APBB2: variants seen among roughly 807,000 people sequenced by gnomAD.
APBB2 encodes the protein amyloid beta precursor protein binding family B member 2, also known as Fe65-like 1.
Under a neutral mutation model 82.5 loss-of-function variants are expected in APBB2, and 38 were observed. The ratio of observed to expected loss-of-function variants is 0.46; its 90% CI spans 0.36 to 0.60. The LOEUF is 0.60. APBB2 is among the 20% of genes least tolerant of loss of function. The pLI is 0.00. For synonymous variants in APBB2, 341 were observed against 368.2 expected, an observed-to-expected ratio of 0.93 and a Z score of 0.85; for missense variants, 772 against 972.3, an observed-to-expected ratio of 0.79 and a Z score of 2.74.
chr4:40,992,657 G>A (rs757068349), intron 6 of APBB2, among the ~76,000 whole-genome samples: 15 of 152,156 alleles, frequency 9.9e-5, no homozygotes, highest in Non-Finnish European at 2.1e-4. Flanking sequence ...GGATGGAAAC[G>A]CTGGTAACCC....
chr4:41,009,185 C>T (rs1309566616), intron 6 of APBB2, among the ~76,000 whole-genome samples: 1 of 150,496 alleles, frequency 6.6e-6, no homozygotes, highest in African/African-American at 2.5e-5. Flanking sequence ...TTTATCTGAG[C>T]CATCATGCTT....
At chr4:40,980,546 G>C (rs984271496) in intron 6 of APBB2, among the ~76,000 whole-genome samples, 4 of 152,130 alleles carry the variant, frequency 2.6e-5, no homozygotes, top group African/African-American at 9.7e-5. Flanking sequence ...GAGCCAATGA[G>C]TGTCCAACTT....
rs61138249 is a variant in APBB2 at position 40,815,012 on chromosome 4, C to T, written c.*1080G>A. On this transcript the variant is annotated 3_prime_UTR_variant, in exon 18 of 18. Coordinates refer to ENST00000508593, the MANE Select transcript of APBB2 (RefSeq NM_004307.2). ...CCATGGACAATACATGATGGACAGACAGCTTTCTGGGCAAAAAGCATCAGA... is the reference window on the plus strand; with the variant it reads ...CCATGGACAATACATGATGGACAGATAGCTTTCTGGGCAAAAAGCATCAGA... 6.6e-6 allele frequency: 1 copy of T among 152,328 alleles called. No individual in the cohort carries two copies. Among genetic ancestry groups the T allele is most frequent in the African/African-American group, 2.4e-5 (1 of 41,386 alleles). 9.4% of individuals were successfully genotyped at this position (152,328 alleles called of 1,614,324 possible).
At chr4:40,890,718 C>T (rs926306548) in intron 11 of APBB2, 5 of 453,770 alleles carry the variant, frequency 1.1e-5, no homozygotes, top group Admixed American at 4.1e-5. Flanking sequence ...GAAATGTGTC[C>T]CCATCCTGCT....
chr4:40,937,450 G>A (rs1785655197), intron 7 of APBB2, among the ~76,000 whole-genome samples: 1 of 152,226 alleles, frequency 6.6e-6, no homozygotes. Context: ...GCTAAAAACA[G>A]TATTAAGACT....
intron 6 of APBB2, among the ~76,000 whole-genome samples, chr4:41,009,592 G>A (rs965270779): frequency 1.3e-5 from 2 of 152,140 alleles, no homozygotes; most frequent in African/African-American, 4.8e-5. Context: ...GTAGAAATGA[G>A]TCTATTTTTC....
chr4:41,136,216 A>T (rs1014627106), intron 2 of APBB2, among the ~76,000 whole-genome samples: 7 of 152,236 alleles, frequency 4.6e-5, no homozygotes, highest in Non-Finnish European at 7.3e-5. Context: ...TCAGCTCCCA[A>T]AAGAAAACAA....
intron 12 of APBB2, among the ~76,000 whole-genome samples, chr4:40,887,910 T>C (rs1199203982): frequency 6.6e-6 from 1 of 152,226 alleles, no homozygotes; most frequent in Non-Finnish European, 1.5e-5. Flanking sequence ...CAAGGCAATG[T>C]AACCTAATTC....
At position 41,139,900 on chromosome 4, in the gene APBB2, T is replaced by C. The variant is rs142564482; in HGVS notation, c.-261+3087A>G. Among the ~76,000 whole-genome samples, 30 of 152,312 alleles carry C rather than the reference T, an allele frequency of 2.0e-4. 1 individual carries two copies. In the East Asian group the frequency reaches 3.1e-3, roughly 16 times the overall value. On this transcript the variant is annotated intron_variant, in intron 2 of 17. Coordinates refer to ENST00000508593, the MANE Select transcript of APBB2 (RefSeq NM_004307.2). ...CAAAGAGTGAACCTAATATAAACTA[T>C]AGATTTTAGTAATGATAATGTATCA...
At chr4:41,145,659 C>T (rs942126998) in intron 1 of APBB2, among the ~76,000 whole-genome samples, 1 of 152,184 alleles carries the variant, frequency 6.6e-6, no homozygotes, top group African/African-American at 2.4e-5. Context: ...AACTGCCTAT[C>T]ACACCGAAAG....
chr4:40,984,136 A>G (rs746585063), intron 6 of APBB2, among the ~76,000 whole-genome samples: 1 of 152,156 alleles, frequency 6.6e-6, no homozygotes, highest in Non-Finnish European at 1.5e-5. Context: ...GAGGTTTGGA[A>G]GCTGAGGGCT....
chr4:41,060,772 G>A (rs1043261885), intron 4 of APBB2, among the ~76,000 whole-genome samples: 6 of 151,584 alleles, frequency 4.0e-5, no homozygotes, highest in Non-Finnish European at 5.9e-5. Flanking sequence ...GGATTTTAGC[G>A]GGTTACCAAA....
chr4:41,111,719 T>C (rs556102269), intron 2 of APBB2, among the ~76,000 whole-genome samples: 12 of 152,352 alleles, frequency 7.9e-5, no homozygotes, highest in Admixed American at 7.8e-4. Flanking sequence ...CCATCTTTAT[T>C]TAAGCAACAA....
chr4:40,843,560 AG>A, intron 12 of APBB2, among the ~76,000 whole-genome samples: 1 of 152,260 alleles, frequency 6.6e-6, no homozygotes, highest in Non-Finnish European at 1.5e-5. Context: ...ATATGGAAAG[AG>A]GATTATGGAG....
chr4:41,190,919 T>C (rs1774251815), intron 1 of APBB2, among the ~76,000 whole-genome samples: 1 of 152,196 alleles, frequency 6.6e-6, no homozygotes. Flanking sequence ...CTGTTTCTGA[T>C]GAACGAGAGC....
chr4:41,159,961 G>GAGAAGGAGAAGGAGAAGAAGAAGA (rs1764562022), intron 1 of APBB2, among the ~76,000 whole-genome samples: 1 of 31,992 alleles, frequency 3.1e-5, no homozygotes, highest in African/African-American at 1.0e-4. Flanking sequence ...GAAGGAGAAG[G>GAGAAGGAGAAGGAGAAGAAGAAGA]AGAAGAAGAA....
At chr4:41,159,955 GAGAAGGAGAAGAAGAAGAAGAAGA>G (rs1329127422) in intron 1 of APBB2, among the ~76,000 whole-genome samples, 24 of 48,782 alleles carry the variant, frequency 4.9e-4, no homozygotes, top group East Asian at 1.8e-3. Flanking sequence ...GAAGGAGAAG[GAGAAGGAGAAGAAGAAGAAGAAGA>G]AGAAGAAGAA....
chr4:40,863,891 CAAAAAAAAAAAA>C (rs60135616), intron 12 of APBB2, among the ~76,000 whole-genome samples: 7 of 33,000 alleles, frequency 2.1e-4, no homozygotes, highest in Non-Finnish European at 3.3e-4. Context: ...GAGACTGTCT[CAAAAAAAAAAAA>C]AAAAAAAAAA....
At chr4:41,023,963 G>A (rs1293145351) in intron 5 of APBB2, among the ~76,000 whole-genome samples, 1 of 152,078 alleles carries the variant, frequency 6.6e-6, no homozygotes, top group African/African-American at 2.4e-5. Context: ...AAACAGCATG[G>A]TACTGGTACA....
Sources: allele counts gnomAD v4.1 joint callset (sites outside exome capture counted in the v4.1 genomes callset), GRCh38; gene constraint gnomAD v4.1.1; transcripts MANE v1.5; gene names NCBI Gene and HGNC (gene_info 2026-07-23, HGNC 2026-07-21).